Variants in APBB2 observed in about 807,000 individuals in gnomAD.
APBB2 encodes the protein Fe65-like 1.
A neutral mutation model predicts 82.5 loss-of-function variants in APBB2; 38 were observed. The ratio of observed to expected loss-of-function variants is 0.46; its 90% confidence interval spans 0.36 to 0.60. The LOEUF is 0.60. Ranked by LOEUF, APBB2 falls within the 20% of genes least tolerant of loss-of-function variation. The pLI, the probability that APBB2 is intolerant of heterozygous loss-of-function variation, is 0.00. For synonymous variants in APBB2, 341 were observed against 368.2 expected (o/e 0.93, Z 0.85); for missense variants, 772 against 972.3 (o/e 0.79, Z 2.74).
intron 12 of APBB2, among the ~76,000 whole-genome samples, chr4:40,863,514 A>G (rs1763282972): frequency 6.6e-6 from 1 of 152,230 alleles, no homozygotes; most frequent in Admixed American, 6.5e-5. Flanking sequence ...CACTTTGAAT[A>G]GCAAGAATCC....
intron 4 of APBB2, among the ~76,000 whole-genome samples, chr4:41,060,560 C>T (rs1408350911): frequency 6.6e-6 from 1 of 152,142 alleles, no homozygotes; most frequent in African/African-American, 2.4e-5. Flanking sequence ...ATAATAGTGT[C>T]CTCACTCACA....
chr4:41,037,599 C>T (rs531379166), intron 4 of APBB2, among the ~76,000 whole-genome samples: 65 of 152,254 alleles, frequency 4.3e-4, no homozygotes, highest in African/African-American at 1.5e-3. Context: ...CTGGTCTCCA[C>T]CCGAAAAATT....
At chr4:40,975,356 CT>C (rs921960592) in intron 6 of APBB2, among the ~76,000 whole-genome samples, 2 of 152,198 alleles carry the variant, frequency 1.3e-5, no homozygotes, top group African/African-American at 4.8e-5. Context: ...GGCTTTCACC[CT>C]TTTTTTGGCT....
At chr4:40,899,773 T>A (rs1275865510) in intron 10 of APBB2, among the ~76,000 whole-genome samples, 1 of 152,236 alleles carries the variant, frequency 6.6e-6, no homozygotes, top group African/African-American at 2.4e-5. Context: ...TGGGCTTTAA[T>A]GCAAGCAGCA....
chr4:41,032,768 A>AT (rs1717351554), intron 5 of APBB2, among the ~76,000 whole-genome samples: 1 of 106,860 alleles, frequency 9.4e-6, no homozygotes, highest in Admixed American at 1.1e-4. Flanking sequence ...TTAAAGATTC[A>AT]TTTTTCTTTC....
At chr4:41,133,199 C>G (rs1331254334) in intron 2 of APBB2, among the ~76,000 whole-genome samples, 1 of 152,104 alleles carries the variant, frequency 6.6e-6, no homozygotes, top group Non-Finnish European at 1.5e-5. Flanking sequence ...ATATACAGAA[C>G]TACTTCATTC....
At chr4:41,014,520 T>TG in intron 5 of APBB2, 122 bp from the exon 6 acceptor site, 3 of 919,426 alleles carry the variant, frequency 3.3e-6, no homozygotes, top group Non-Finnish European at 5.1e-6. Context: ...TACATTCTCA[T>TG]AGAATGGACC....
intron 2 of APBB2, among the ~76,000 whole-genome samples, chr4:41,119,588 G>A (rs1752192101): frequency 6.9e-6 from 1 of 145,208 alleles, no homozygotes; most frequent in African/African-American, 2.6e-5. Flanking sequence ...CAATTCCCAA[G>A]TTCTATAGAC....
intron 1 of APBB2, among the ~76,000 whole-genome samples, chr4:41,168,242 C>T (rs935891857): frequency 2.7e-5 from 4 of 150,498 alleles, no homozygotes; most frequent in Admixed American, 1.3e-4. Context: ...GCCGAGATCG[C>T]GCCACTGCAC....
At chr4:41,179,621 A>G (rs1770790283) in intron 1 of APBB2, among the ~76,000 whole-genome samples, 1 of 152,218 alleles carries the variant, frequency 6.6e-6, no homozygotes, top group South Asian at 2.1e-4. Context: ...TATAACAGCA[A>G]TAAACCTGCA....
At chr4:40,972,802 A>G (rs1451892210) in intron 6 of APBB2, among the ~76,000 whole-genome samples, 1 of 152,234 alleles carries the variant, frequency 6.6e-6, no homozygotes, top group East Asian at 1.9e-4. Context: ...ACATTAGACT[A>G]TTAGCTCAAT....
intron 2 of APBB2, among the ~76,000 whole-genome samples, chr4:41,142,442 A>C (rs992076610): frequency 6.6e-6 from 1 of 152,172 alleles, no homozygotes; most frequent in Non-Finnish European, 1.5e-5. Flanking sequence ...ACTGCAGAAA[A>C]TGAAATGTGT....
chr4:41,016,187 C>T (rs1809885043), intron 5 of APBB2, among the ~76,000 whole-genome samples: 1 of 152,162 alleles, frequency 6.6e-6, no homozygotes, highest in South Asian at 2.1e-4. Flanking sequence ...CATGGCAAAA[C>T]ATTTATATTA....
At chr4:40,974,531 T>C (rs1298516614) in intron 6 of APBB2, among the ~76,000 whole-genome samples, 5 of 152,114 alleles carry the variant, frequency 3.3e-5, no homozygotes, top group African/African-American at 1.2e-4. Flanking sequence ...AGTTTTATTA[T>C]AGTAAACAGA....
At chr4:40,858,470 A>AAAAAAAAAAAAAAAAAAAC (rs1761997816) in intron 12 of APBB2, among the ~76,000 whole-genome samples, 1 of 150,628 alleles carries the variant, frequency 6.6e-6, no homozygotes, top group Admixed American at 6.6e-5. Flanking sequence ...AAAAAAAAAA[A>AAAAAAAAAAAAAAAAAAAC]AAAAAAAAGA....
chr4:41,014,807 C>T (rs192817865), intron 5 of APBB2, among the ~76,000 whole-genome samples: 1 of 152,300 alleles, frequency 6.6e-6, no homozygotes, highest in African/African-American at 2.4e-5. Flanking sequence ...CAAAAAATTG[C>T]TCAAGATTCC....
At chr4:41,036,192 G>A (rs1719100031) in intron 4 of APBB2, among the ~76,000 whole-genome samples, 1 of 152,030 alleles carries the variant, frequency 6.6e-6, no homozygotes, top group Non-Finnish European at 1.5e-5. Flanking sequence ...GTATACAGGA[G>A]GATGTTGCAT....
In APBB2 at chr4:40,826,239, T is replaced by C. The variant is rs1277912194; in HGVS notation, c.1733-269A>G. 1 of 441,554 alleles carries C rather than the reference T, an allele frequency of 2.3e-6. No homozygotes were observed. The highest frequency in any genetic ancestry group is 4.2e-6 in the Non-Finnish European group (1 of 239,376). The allele number at this position is 441,554 out of a possible 1,614,324, so 27.4% of individuals were successfully genotyped here. On this transcript the variant is annotated intron_variant, in intron 14 of 17. Coordinates refer to ENST00000508593, the MANE Select transcript of APBB2 (RefSeq NM_004307.2). The surrounding 1 kb of genome is among the most constrained non-coding windows in gnomAD (Gnocchi z 4.5). ...GTTAAAGCTGCTACTGTCTCTTTGA[T>C]GTATATTAAGTAAAGTAGCAGCTTT...
chr4:40,847,541 C>T (rs1758043602), intron 12 of APBB2, among the ~76,000 whole-genome samples: 1 of 152,228 alleles, frequency 6.6e-6, no homozygotes, highest in African/African-American at 2.4e-5. Context: ...GGATTTAGAA[C>T]TGATTCTGAG....
Sources: gnomAD v4.1 joint callset for allele counts (sites outside exome capture counted in the v4.1 genomes callset) on GRCh38, gnomAD v4.1.1 for gene constraint, Gnocchi (gnomAD v3.1) non-coding constraint, MANE v1.5 for transcripts, NCBI Gene and HGNC (gene_info 2026-07-23, HGNC 2026-07-21) for gene names.